The following TLL2 variants were observed in gnomAD, a reference collection of about 807,000 sequenced individuals.
TLL2 encodes tolloid like 2, also known as tolloid-like protein 2.
In TLL2, 106 loss-of-function variants were observed where a neutral mutation model predicts 123.0. The ratio of observed to expected loss-of-function variants is 0.86; its 90% CI spans 0.74 to 1.01. TLL2 has a LOEUF of 1.01. Ranked by LOEUF, TLL2 falls within the 50% of genes least tolerant of loss-of-function variation. The pLI, the probability that TLL2 is intolerant of heterozygous loss-of-function variation, is 0.00. For synonymous variants in TLL2, 494 were observed against 516.8 expected (o/e 0.96, Z 0.60); for missense variants, 1,332 against 1,336.7 (o/e 1.00, Z 0.06).
At chr10:96,411,677 C>T (rs1262699674) in intron 8 of TLL2, among the ~76,000 whole-genome samples, 2 of 152,230 alleles carry the variant, frequency 1.3e-5, no homozygotes, top group East Asian at 3.8e-4. Context: ...ATGTGGCCAA[C>T]CCTAACATGT....
At chr10:96,476,024 G>A (rs1312481043) in intron 2 of TLL2, among the ~76,000 whole-genome samples, 1 of 151,576 alleles carries the variant, frequency 6.6e-6, no homozygotes, top group Non-Finnish European at 1.5e-5. Flanking sequence ...GTGGAACAGT[G>A]AGTCCAATTA....
intron 1 of TLL2, among the ~76,000 whole-genome samples, chr10:96,491,174 A>T (rs577151273): frequency 1.3e-5 from 2 of 152,254 alleles, no homozygotes; most frequent in South Asian, 4.2e-4. Context: ...TGAGGTTAGG[A>T]GTTCAAGACC....
rs138680811 is a variant in TLL2 at position 96,397,249 on chromosome 10, G to A, written c.1321C>T (p.Leu441Phe). 2,736 of 1,613,882 alleles carry A rather than the reference G, an allele frequency of 1.7e-3. 5 individuals are homozygous for A. Among genetic ancestry groups the A allele is most frequent in the Non-Finnish European group, 2.1e-3 (2,452 of 1,179,820 alleles). ...PEPLVSTDSRLWVEFRSSSNI... is the reference protein window; with the variant it reads ...PEPLVSTDSRFWVEFRSSSNI... ...CTGCTGCTGCGGAACTCCACCCAGA[G>A]CCGGCTGTCCGTGGAGACGAGGGGC... The change falls in exon 11 of 21, where the codon CTC becomes TTC. Residue 441 changes from leucine (L) to phenylalanine (F), a missense_variant. Coordinates refer to ENST00000357947, the MANE Select transcript of TLL2 (RefSeq NM_012465.4).
intron 1 of TLL2, among the ~76,000 whole-genome samples, chr10:96,484,943 C>T (rs989772136): frequency 6.6e-6 from 1 of 152,188 alleles, no homozygotes; most frequent in African/African-American, 2.4e-5. Flanking sequence ...CCACGCTGTC[C>T]ATATTGTGAA....
chr10:96,407,850 T>A (rs1158014846), intron 9 of TLL2, among the ~76,000 whole-genome samples: 1 of 149,536 alleles, frequency 6.7e-6, no homozygotes, highest in Non-Finnish European at 1.5e-5. Flanking sequence ...TGTGTGAGCA[T>A]GTGCATGCAT....
chr10:96,422,814 T>C (rs1311068814), intron 5 of TLL2, 87 bp from the exon 6 acceptor site: 5 of 1,460,854 alleles, frequency 3.4e-6, no homozygotes, highest in African/African-American at 2.8e-5. Flanking sequence ...TGTATGTGTG[T>C]GCGTGTGTGC....
At chr10:96,387,152 C>T (rs369366922) in intron 13 of TLL2, 74 bp from the exon 14 acceptor site, 12 of 1,572,248 alleles carry the variant, frequency 7.6e-6, no homozygotes, top group East Asian at 6.8e-5. Flanking sequence ...TTGCATATCC[C>T]AGTGTCACCA....
intron 19 of TLL2, 69 bp from the exon 20 acceptor site, chr10:96,370,384 C>T: frequency 2.0e-6 from 3 of 1,487,956 alleles, no homozygotes; most frequent in Admixed American, 4.6e-5. Context: ...TGCGTCTGCT[C>T]GGCTTTCTCT....
chr10:96,395,480 C>A, intron 12 of TLL2, 98 bp from the exon 13 acceptor site: 2 of 1,300,268 alleles, frequency 1.5e-6, no homozygotes, highest in Non-Finnish European at 2.1e-6. Context: ...AAAATCTAAC[C>A]AAGAGGCCAA....
intron 2 of TLL2, among the ~76,000 whole-genome samples, chr10:96,454,011 G>GCACACACACA (rs138026221): frequency 6.7e-6 from 1 of 149,944 alleles, no homozygotes; most frequent in African/African-American, 2.5e-5. Flanking sequence ...GTGTGCGCCT[G>GCACACACACA]CACACACACA....
chr10:96,513,663 C>T lies in TLL2; in HGVS notation c.23G>A (p.Gly8Glu), dbSNP rs778640927. The change falls in exon 1 of 21, where the codon GGG (glycine) becomes GAG (glutamate). Residue 8 changes from glycine (G) to glutamate (E), a missense_variant. Gly to Glu is a moderately conservative substitution (Grantham distance 98, BLOSUM62 -2). Transcript: ENST00000357947. ...CAGCAGCAGCAGTGACACCAGGGCC[C>T]CAAGTGCAGTCGCCCGGGGCATGGT... MPRATAL[G>E]ALVSLLLLLP... The T allele has an allele frequency of 2.5e-6, 4 of 1,570,722 alleles. No individual in the cohort carries two copies. The highest frequency in any genetic ancestry group is 3.4e-6 in the Non-Finnish European group (4 of 1,164,570).
At chr10:96,445,779 C>T (rs528375459) in intron 3 of TLL2, among the ~76,000 whole-genome samples, 25 of 152,322 alleles carry the variant, frequency 1.6e-4, no homozygotes, top group Non-Finnish European at 2.9e-4. Flanking sequence ...ACGCCAGCCC[C>T]GCTCACGTCC....
Position 96,410,465 on chromosome 10 carries a change from T to TC in TLL2, c.1057dup (p.Glu353GlyfsTer48), listed in dbSNP as rs1254723703. ...GTTTCCCGTTGTGTCCTGCAGGGTC[T>TC]CCCCACACGCTGCACAAGCAAAATC... On this transcript the variant is annotated frameshift_variant, in exon 9 of 21. Coordinates refer to ENST00000357947, the MANE Select transcript of TLL2 (RefSeq NM_012465.4). LOFTEE classifies it high-confidence loss of function. 1.9e-6 allele frequency: 3 copies of TC among 1,613,756 alleles called. No homozygotes were observed. Among genetic ancestry groups the TC allele is most frequent in the Non-Finnish European group, 2.5e-6 (3 of 1,179,916 alleles).
chr10:96,500,558 C>A (rs963929104), intron 1 of TLL2, among the ~76,000 whole-genome samples: 5 of 152,142 alleles, frequency 3.3e-5, no homozygotes, highest in Non-Finnish European at 7.4e-5. Context: ...CATTGGGAGG[C>A]CAAGGCGGGT....
intron 2 of TLL2, among the ~76,000 whole-genome samples, chr10:96,456,489 C>T (rs1002177138): frequency 6.6e-6 from 1 of 152,190 alleles, no homozygotes; most frequent in Non-Finnish European, 1.5e-5. Context: ...CCGCTCTCTG[C>T]CTCCCCAGGG....
At chr10:96,456,982 C>G (rs913790161) in intron 2 of TLL2, among the ~76,000 whole-genome samples, 1 of 152,182 alleles carries the variant, frequency 6.6e-6, no homozygotes, top group South Asian at 2.1e-4. Flanking sequence ...ACAACACGTC[C>G]AATTTGGTAG....
chr10:96,380,917 C>T (rs1436310422), intron 16 of TLL2, among the ~76,000 whole-genome samples: 2 of 149,642 alleles, frequency 1.3e-5, no homozygotes, highest in Non-Finnish European at 3.0e-5. Context: ...GCGGAGATTG[C>T]GGTGAGCGGA....
chr10:96,400,357 CAAAAAAA>C (rs55975748), intron 10 of TLL2, among the ~76,000 whole-genome samples: 1 of 109,894 alleles, frequency 9.1e-6, no homozygotes, highest in Non-Finnish European at 1.8e-5. Context: ...CTACTACCAT[CAAAAAAA>C]AAAAAAAAAA....
intron 18 of TLL2, chr10:96,375,497 T>C (rs1846129843): frequency 6.6e-6 from 1 of 152,116 alleles, no homozygotes; most frequent in African/African-American, 2.4e-5. Flanking sequence ...ATTGCGAACA[T>C]TTCCCAGCAG....
Sources: allele counts gnomAD v4.1 joint callset (sites outside exome capture counted in the v4.1 genomes callset), GRCh38; gene constraint gnomAD v4.1.1; transcripts MANE v1.5; gene names NCBI Gene and HGNC (gene_info 2026-07-23, HGNC 2026-07-21).